SCGN: variants seen among roughly 807,000 people sequenced by gnomAD.
SCGN encodes secretagogin, EF-hand calcium binding protein.
In SCGN, 30 loss-of-function variants were observed where a neutral mutation model predicts 39.7. That is an observed-to-expected ratio of 0.76 (90% confidence interval 0.57 to 1.03). The LOEUF is 1.03. SCGN is among the 50% of genes least tolerant of loss of function. SCGN has a pLI of 0.00. For synonymous variants in SCGN, 106 were observed against 114.1 expected, an observed-to-expected ratio of 0.93 and a Z score of 0.45; for missense variants, 353 against 349.4, an observed-to-expected ratio of 1.01 and a Z score of -0.08.
intron 6 of SCGN, among the ~76,000 whole-genome samples, chr6:25,677,467 A>C (rs1185342950): frequency 6.6e-6 from 1 of 152,166 alleles, no homozygotes; most frequent in African/African-American, 2.4e-5. Flanking sequence ...GGGGGTTCTA[A>C]ATCTTTTTTG....
intron 7 of SCGN, among the ~76,000 whole-genome samples, chr6:25,686,071 C>T (rs1759702090): frequency 6.6e-6 from 1 of 152,116 alleles, no homozygotes; most frequent in African/African-American, 2.4e-5. Context: ...AACTTTATCC[C>T]TTTTTATGGC....
At chr6:25,687,120 T>C (rs912955012) in intron 7 of SCGN, among the ~76,000 whole-genome samples, 1 of 152,180 alleles carries the variant, frequency 6.6e-6, no homozygotes, top group South Asian at 2.1e-4. Context: ...ATAAAAAATG[T>C]GAGTCCTCAA....
intron 10 of SCGN, among the ~76,000 whole-genome samples, chr6:25,697,717 G>T (rs944708830): frequency 6.6e-5 from 10 of 152,198 alleles, no homozygotes; most frequent in African/African-American, 2.4e-4. Flanking sequence ...CTATTGCCAA[G>T]ATTAAAGGGA....
chr6:25,670,052 A>T lies in SCGN; in HGVS notation c.447A>T (p.Lys149Asn). Residue 149 changes from lysine to asparagine, a missense_variant, in exon 6 of 11, where the codon AAA (lysine) becomes AAT (asparagine). Coordinates refer to ENST00000377961, the MANE Select transcript of SCGN (RefSeq NM_006998.4). ...LHHKKAISEA[K>N]LEEYTGTMMK... Reference sequence around the variant, plus strand: ...ACAAAAAGGCCATTTCTGAGGCTAAACTGGAAGAATACACTGGCACCATGG... The same window carrying T: ...ACAAAAAGGCCATTTCTGAGGCTAATCTGGAAGAATACACTGGCACCATGG... The T allele has an allele frequency of 6.2e-7, 1 of 1,613,458 alleles. No individual in the cohort carries two copies. Among genetic ancestry groups the T allele is most frequent in the Non-Finnish European group, 8.5e-7 (1 of 1,179,442 alleles).
In SCGN at chr6:25,665,007, T is replaced by C. The variant is rs772653922; in HGVS notation, c.311T>C (p.Leu104Pro). Residue 104 changes from leucine to proline, a missense_variant, in exon 4 of 11, where the codon CTG becomes CCG. Coordinates refer to ENST00000377961, the MANE Select transcript of SCGN (RefSeq NM_006998.4). ...FLLLFRRENP[L>P]DSSVEFMQIW... ...CTGCTCTTTCGCCGGGAAAACCCAC[T>C]GGACAGCAGCGTGGAGTTTATGCAG... 5 of 1,613,952 alleles carry C rather than the reference T, an allele frequency of 3.1e-6. No homozygotes were observed. The highest frequency in any genetic ancestry group is 1.3e-5 in the African/African-American group (1 of 75,024).
rs1350856198 is a variant in SCGN, at chr6:25,661,206, A to T, written c.154-346A>T. On this transcript the variant is annotated intron_variant, in intron 2 of 10. Coordinates refer to ENST00000377961, the MANE Select transcript of SCGN (RefSeq NM_006998.4). ...GTAAAATCTCTGAGTTATTGGGAAG[A>T]AAATCTGTAATTACAATACAGTCTT... 3.3e-5 allele frequency among the ~76,000 whole-genome samples: 5 copies of T among 152,232 alleles called. No homozygotes were observed. The East Asian group carries it at 9.6e-4, about 29-fold the overall frequency.
chr6:25,663,626 A>G (rs1018385530), intron 3 of SCGN, among the ~76,000 whole-genome samples: 1 of 152,360 alleles, frequency 6.6e-6, no homozygotes, highest in Admixed American at 6.5e-5. Flanking sequence ...ACCTAAGATC[A>G]AATACTTAGT....
chr6:25,698,978 C>T (rs913969395), intron 10 of SCGN, among the ~76,000 whole-genome samples: 1 of 152,120 alleles, frequency 6.6e-6, no homozygotes, highest in Non-Finnish European at 1.5e-5. Flanking sequence ...CGAGTCTTAA[C>T]GTGGCTTGGC....
At chr6:25,659,565 T>G (rs1232051165) in intron 2 of SCGN, among the ~76,000 whole-genome samples, 3 of 152,234 alleles carry the variant, frequency 2.0e-5, no homozygotes, top group African/African-American at 7.2e-5. Flanking sequence ...TCTTTATTCT[T>G]TTGCTTCTAA....
chr6:25,683,704 A>G (rs1014953217), intron 7 of SCGN, among the ~76,000 whole-genome samples: 2 of 152,224 alleles, frequency 1.3e-5, no homozygotes, highest in Non-Finnish European at 2.9e-5. Context: ...TAGAATTATC[A>G]TAAATGGGGC....
At chr6:25,659,529 G>A (rs1441292573) in intron 2 of SCGN, among the ~76,000 whole-genome samples, 2 of 152,130 alleles carry the variant, frequency 1.3e-5, no homozygotes, top group Non-Finnish European at 2.9e-5. Context: ...TAGAAAGGGT[G>A]CCAAACATCC....
At chr6:25,692,695 G>T (rs1191232401) in intron 10 of SCGN, among the ~76,000 whole-genome samples, 1 of 152,206 alleles carries the variant, frequency 6.6e-6, no homozygotes, top group Non-Finnish European at 1.5e-5. Context: ...GCCAGGCTGT[G>T]GGAGGCAGCT....
chr6:25,690,585 C>T (rs571507830), intron 9 of SCGN, among the ~76,000 whole-genome samples: 1 of 152,244 alleles, frequency 6.6e-6, no homozygotes, highest in East Asian at 1.9e-4. Flanking sequence ...TAAAGGGTCT[C>T]ATGTACAGAC....
chr6:25,667,660 T>C (rs929495546), intron 4 of SCGN, among the ~76,000 whole-genome samples: 1 of 152,128 alleles, frequency 6.6e-6, no homozygotes, highest in Non-Finnish European at 1.5e-5. Flanking sequence ...TTGTATGTCT[T>C]AGATTTCCTT....
chr6:25,696,774 A>AT (rs2151384048), intron 10 of SCGN, among the ~76,000 whole-genome samples: 1 of 152,258 alleles, frequency 6.6e-6, no homozygotes, highest in African/African-American at 2.4e-5. Context: ...TGATGACTTC[A>AT]TTTTGACCTA....
intron 6 of SCGN, 21 bp downstream of exon 6, chr6:25,670,097 T>A: frequency 6.5e-7 from 1 of 1,546,294 alleles, no homozygotes; most frequent in South Asian, 1.1e-5. Context: ...AGTAATGTAA[T>A]CTCCATGAGG....
chr6:25,682,373 A>C (rs1390920881), intron 7 of SCGN, among the ~76,000 whole-genome samples: 2 of 50,112 alleles, frequency 4.0e-5, no homozygotes, highest in East Asian at 1.6e-3. Flanking sequence ...TTCAGGACAC[A>C]GGACTACTCA....
At chr6:25,653,267 A>G (rs1238012497) in intron 1 of SCGN, 115 bp from the exon 2 acceptor site, 1 of 737,358 alleles carries the variant, frequency 1.4e-6, no homozygotes, top group Non-Finnish European at 2.2e-6. Context: ...TGGAATAACA[A>G]AAAATAGTGT....
chr6:25,682,092 G>A (rs1055178229), intron 7 of SCGN, 86 bp downstream of exon 7: 25 of 1,002,064 alleles, frequency 2.5e-5, no homozygotes, highest in Non-Finnish European at 3.6e-5. Context: ...TGAGACTGGA[G>A]ATCAAGCCTC....
Sources: allele counts gnomAD v4.1 joint callset (sites outside exome capture counted in the v4.1 genomes callset), GRCh38; gene constraint gnomAD v4.1.1; transcripts MANE v1.5; gene names NCBI Gene and HGNC (gene_info 2026-07-23, HGNC 2026-07-21).